NCKAP5: variants seen among roughly 807,000 people sequenced by gnomAD.
NCKAP5 encodes NCK associated protein 5.
In NCKAP5, 92 loss-of-function variants were observed where a neutral mutation model predicts 167.0. The ratio of observed to expected loss-of-function variants is 0.55; its 90% CI spans 0.47 to 0.66. NCKAP5 has a LOEUF of 0.66. Among genes scored for constraint, NCKAP5 ranks in the 30% least tolerant of loss-of-function variants. The pLI is 0.00. For missense variants in NCKAP5, 2,378 were observed against 2,315.0 expected, an observed-to-expected ratio of 1.03 and a Z score of -0.56; for synonymous variants, 891 against 877.4, an observed-to-expected ratio of 1.02 and a Z score of -0.27.
At chr2:132,819,823 T>C (rs1686572385) in intron 11 of NCKAP5, among the ~76,000 whole-genome samples, 1 of 152,092 alleles carries the variant, frequency 6.6e-6, no homozygotes, top group Non-Finnish European at 1.5e-5. Context: ...TTCTCAAGAG[T>C]GGAAGTATTC....
chr2:132,691,441 T>TG (rs1025447074), intron 19 of NCKAP5, among the ~76,000 whole-genome samples: 4 of 152,202 alleles, frequency 2.6e-5, no homozygotes, highest in African/African-American at 9.7e-5. Flanking sequence ...TCTGTGGTTC[T>TG]GCTCCAGCCA....
chr2:133,260,120 T>C (rs72985690), intron 4 of NCKAP5, among the ~76,000 whole-genome samples: 3,938 of 152,324 alleles, frequency 0.026, 154 homozygotes, highest in African/African-American at 0.085. Context: ...CAGATGCATG[T>C]GATGTCAACT....
chr2:132,991,540 A>G (rs1420025933), intron 7 of NCKAP5, among the ~76,000 whole-genome samples: 1 of 152,206 alleles, frequency 6.6e-6, no homozygotes, highest in Non-Finnish European at 1.5e-5. Context: ...CTTTGGGAAC[A>G]CACCCCCTGA....
intron 8 of NCKAP5, among the ~76,000 whole-genome samples, chr2:132,924,460 T>C (rs1342082993): frequency 1.3e-5 from 2 of 152,220 alleles, no homozygotes; most frequent in African/African-American, 4.8e-5. Context: ...TCACTCCTTT[T>C]GTGTTGTGTG....
At chr2:133,319,927 C>A (rs937672169) in intron 3 of NCKAP5, among the ~76,000 whole-genome samples, 1 of 152,070 alleles carries the variant, frequency 6.6e-6, no homozygotes, top group Non-Finnish European at 1.5e-5. Context: ...ATGAAAAGAA[C>A]CCTCATTTTT....
chr2:132,720,512 T>G (rs1428751668), intron 19 of NCKAP5, among the ~76,000 whole-genome samples: 1 of 152,202 alleles, frequency 6.6e-6, no homozygotes, highest in Non-Finnish European at 1.5e-5. Context: ...AACCAGGGAA[T>G]GTGGGGCCAC....
At chr2:132,893,177 G>T (rs575295834) in intron 8 of NCKAP5, among the ~76,000 whole-genome samples, 2 of 152,236 alleles carry the variant, frequency 1.3e-5, no homozygotes, top group East Asian at 3.9e-4. Flanking sequence ...TAAGAATGTG[G>T]AAGAACAGGC....
At chr2:132,769,080 G>T (rs892942773) in intron 16 of NCKAP5, among the ~76,000 whole-genome samples, 3 of 151,786 alleles carry the variant, frequency 2.0e-5, no homozygotes, top group Admixed American at 6.6e-5. Flanking sequence ...GAGTAGCTGG[G>T]ACTATAGACA....
chr2:133,364,460 A>G (rs1344811755), intron 3 of NCKAP5, among the ~76,000 whole-genome samples: 1 of 152,148 alleles, frequency 6.6e-6, no homozygotes, highest in Non-Finnish European at 1.5e-5. Flanking sequence ...CCAGCTTCCC[A>G]TAATATTAAT....
intron 3 of NCKAP5, among the ~76,000 whole-genome samples, chr2:133,326,458 C>CAAAAAAA (rs34750625): frequency 2.5e-4 from 12 of 48,968 alleles, no homozygotes; most frequent in African/African-American, 6.6e-4. Flanking sequence ...TCAGTCTCAA[C>CAAAAAAA]AAAAAAAAAA....
chr2:132,954,077 G>T (rs2149162083), intron 8 of NCKAP5, among the ~76,000 whole-genome samples: 1 of 152,334 alleles, frequency 6.6e-6, no homozygotes, highest in South Asian at 2.1e-4. Context: ...TCCATGTCTT[G>T]TTACAGCTGA....
intron 16 of NCKAP5, among the ~76,000 whole-genome samples, chr2:132,733,790 C>A (rs1035228908): frequency 6.6e-6 from 1 of 152,150 alleles, no homozygotes; most frequent in African/African-American, 2.4e-5. Flanking sequence ...TGGGAATTTC[C>A]TAATACTGAG....
intron 4 of NCKAP5, among the ~76,000 whole-genome samples, chr2:133,279,373 C>G (rs1421552361): frequency 2.6e-5 from 4 of 152,082 alleles, no homozygotes; most frequent in African/African-American, 4.8e-5. Context: ...CTACACCACT[C>G]TCTGCATAGA....
rs1375325735 is a variant in NCKAP5, at chr2:133,111,946, T to G, written c.341+18032A>C. Among the ~76,000 whole-genome samples, 3 of 152,110 alleles carry G rather than the reference T, an allele frequency of 2.0e-5. No homozygotes were observed. In the East Asian group the frequency reaches 5.8e-4, roughly 29 times the overall value. On this transcript the variant is annotated intron_variant, in intron 6 of 19. Coordinates refer to ENST00000409261, the MANE Select transcript of NCKAP5 (RefSeq NM_207363.3). Reference sequence around the variant, plus strand: ...AGAATCTCCCCCAGCCCACAGCCACTGCCAATAGATACTAAGATTCCAGGT... The same window carrying G: ...AGAATCTCCCCCAGCCCACAGCCACGGCCAATAGATACTAAGATTCCAGGT...
At chr2:133,584,043 C>T in the NCKAP5 span, among the ~76,000 whole-genome samples, 5,415 of 152,262 alleles carry the variant, frequency 0.036, 162 homozygotes, top group East Asian at 0.17. Context: ...CGTGAGCCAC[C>T]GCACCCAGCC....
chr2:132,938,815 T>C (rs1390300795), intron 8 of NCKAP5, among the ~76,000 whole-genome samples: 1 of 152,092 alleles, frequency 6.6e-6, no homozygotes, highest in Non-Finnish European at 1.5e-5. Context: ...CTCTCACTGA[T>C]ATAGGGGTGT....
chr2:132,839,809 T>C (rs1192671509), intron 11 of NCKAP5, among the ~76,000 whole-genome samples: 1 of 150,142 alleles, frequency 6.7e-6, no homozygotes, highest in East Asian at 1.9e-4. Flanking sequence ...TAGCCTACTG[T>C]TGACCAAAAG....
rs1037076887 is a variant in NCKAP5 at position 132,878,115 on chromosome 2, G to A, written c.648+733C>T. On this transcript the variant is annotated intron_variant, in intron 9 of 19. Coordinates refer to ENST00000409261, the MANE Select transcript of NCKAP5 (RefSeq NM_207363.3). Reference sequence around the variant, plus strand: ...TGGCAGGGAGAGACAGGATGCGTCGGTGATTGGTGTGAGCCCTGATGGTGT... The same window carrying A: ...TGGCAGGGAGAGACAGGATGCGTCGATGATTGGTGTGAGCCCTGATGGTGT... Among the ~76,000 whole-genome samples the A allele has an allele frequency of 5.9e-5, 9 of 152,188 alleles. 1 individual carries two copies. Among genetic ancestry groups the A allele is most frequent in the Admixed American group, 1.3e-4 (2 of 15,278 alleles).
chr2:133,530,847 C>A (rs1381966220), intron 2 of NCKAP5, among the ~76,000 whole-genome samples: 2 of 152,164 alleles, frequency 1.3e-5, no homozygotes, highest in African/African-American at 4.8e-5. Context: ...AGGGTGACAG[C>A]CACTGGAGGA....
Sources: allele counts gnomAD v4.1 joint callset (sites outside exome capture counted in the v4.1 genomes callset), GRCh38; gene constraint gnomAD v4.1.1; transcripts MANE v1.5; gene names NCBI Gene and HGNC (gene_info 2026-07-23, HGNC 2026-07-21).